DENND2A: variants seen among roughly 807,000 people sequenced by gnomAD.
The protein encoded by DENND2A is DENN domain-containing protein 2A.
In DENND2A, 53 loss-of-function variants were observed where a neutral mutation model predicts 105.3. The observed-to-expected ratio is 0.50, with a 90% CI of 0.40 to 0.63. The LOEUF is 0.63. Among genes scored for constraint, DENND2A ranks in the 30% least tolerant of loss-of-function variants. The pLI is 0.00. For synonymous variants in DENND2A, 522 were observed against 508.4 expected, an observed-to-expected ratio of 1.03 and a Z score of -0.36; for missense variants, 1,138 against 1,279.6, an observed-to-expected ratio of 0.89 and a Z score of 1.69.
chr7:140,602,312 T>C lies in DENND2A; in HGVS notation c.86A>G (p.Gln29Arg), dbSNP rs1799545076. ...GGCTCTGGCAGATGGGCAAGGGTTC[T>C]GAACACCTCTGAGCTGCTTCTTCCC... ...RAGKKQLRGV[Q>R]NPCPSARARP... Residue 29 changes from glutamine to arginine, a missense_variant, in exon 3 of 20, where the codon CAG (glutamine) becomes CGG (arginine). By Grantham distance (43) the Gln-to-Arg change is conservative. Transcript: ENST00000496613. The C allele has an allele frequency of 6.2e-7, 1 of 1,605,592 alleles. No individual in the cohort carries two copies. Among genetic ancestry groups the C allele is most frequent in the South Asian group, 1.1e-5 (1 of 91,076 alleles).
At chr7:140,624,860 TTTTTTTTG>T (rs1800454280) in intron 1 of DENND2A, among the ~76,000 whole-genome samples, 2 of 149,942 alleles carry the variant, frequency 1.3e-5, no homozygotes, top group African/African-American at 5.0e-5. Flanking sequence ...TTTTTTTTGT[TTTTTTTTG>T]TTTTTTTTTT....
chr7:140,574,532 T>C (rs1798224866), intron 5 of DENND2A, among the ~76,000 whole-genome samples: 1 of 152,140 alleles, frequency 6.6e-6, no homozygotes, highest in Non-Finnish European at 1.5e-5. Context: ...TTTCTCTTTT[T>C]AGACAAGTGC....
intron 3 of DENND2A, among the ~76,000 whole-genome samples, chr7:140,590,999 TA>T (rs1563163230): frequency 6.6e-6 from 1 of 151,854 alleles, no homozygotes. Context: ...AAACTCCCTT[TA>T]AAAAAATGAA....
At chr7:140,572,351 C>T (rs1798125756) in intron 6 of DENND2A, among the ~76,000 whole-genome samples, 1 of 152,014 alleles carries the variant, frequency 6.6e-6, no homozygotes, top group Admixed American at 6.6e-5. Context: ...AGAGAAGTCC[C>T]TTGAAAGCTA....
intron 8 of DENND2A, 31 bp from the exon 9 acceptor site, chr7:140,567,304 A>AAGAGAGAAAG: frequency 1.5e-6 from 1 of 657,344 alleles, no homozygotes; most frequent in Non-Finnish European, 2.1e-6. Flanking sequence ...GAAAGAGAGA[A>AAGAGAGAAAG]AGAGAGAGAG....
chr7:140,570,092 A>C (rs992409672), intron 6 of DENND2A, among the ~76,000 whole-genome samples: 3 of 152,046 alleles, frequency 2.0e-5, no homozygotes, highest in Non-Finnish European at 2.9e-5. Context: ...ACGGGGTTTC[A>C]CCACATTGGC....
intron 5 of DENND2A, among the ~76,000 whole-genome samples, chr7:140,577,980 A>T (rs949446189): frequency 6.6e-6 from 1 of 152,136 alleles, no homozygotes; most frequent in African/African-American, 2.4e-5. Flanking sequence ...TGATCAGAGG[A>T]CCTTACACCA....
At chr7:140,580,699 C>G (rs1385971443) in intron 5 of DENND2A, among the ~76,000 whole-genome samples, 3 of 152,104 alleles carry the variant, frequency 2.0e-5, no homozygotes, top group African/African-American at 7.2e-5. Flanking sequence ...TGTAGTGGTG[C>G]AATCTCAGCT....
At chr7:140,571,359 A>C (rs931367056) in intron 6 of DENND2A, among the ~76,000 whole-genome samples, 1 of 152,034 alleles carries the variant, frequency 6.6e-6, no homozygotes, top group African/African-American at 2.4e-5. Context: ...CGGGGGTTTC[A>C]ACATGTTGGC....
chr7:140,564,292 A>AT (rs1297206552), intron 9 of DENND2A, among the ~76,000 whole-genome samples: 2 of 112,924 alleles, frequency 1.8e-5, no homozygotes, highest in Non-Finnish European at 1.8e-5. Context: ...AAAAAAAAAA[A>AT]AAAAATACAC....
At chr7:140,633,182 C>T (rs269256) in intron 1 of DENND2A, among the ~76,000 whole-genome samples, 11,628 of 152,188 alleles carry the variant, frequency 0.076, 1,442 homozygotes, top group African/African-American at 0.26. Context: ...GCACCTGCCA[C>T]CATGCCCGAC....
At chr7:140,580,595 C>T (rs1298435330) in intron 5 of DENND2A, among the ~76,000 whole-genome samples, 1 of 152,130 alleles carries the variant, frequency 6.6e-6, no homozygotes, top group Non-Finnish European at 1.5e-5. Flanking sequence ...GCTAGGATTA[C>T]AGGCATGGAC....
intron 1 of DENND2A, among the ~76,000 whole-genome samples, chr7:140,620,053 G>C (rs1199185540): frequency 6.6e-6 from 1 of 151,586 alleles, no homozygotes; most frequent in African/African-American, 2.4e-5. Flanking sequence ...AAAATTAGGC[G>C]GGCATGGTGG....
At chr7:140,568,931 CT>C (rs761913427) in intron 7 of DENND2A, 118 bp from the exon 8 acceptor site, 28,648 of 716,048 alleles carry the variant, frequency 0.04, no homozygotes, top group South Asian at 0.054. Flanking sequence ...TGAGTTGCCT[CT>C]TTTTTTTTTT....
At chr7:140,546,694 C>T in intron 13 of DENND2A, 105 bp downstream of exon 13, 1 of 1,430,288 alleles carries the variant, frequency 7.0e-7, no homozygotes, top group Non-Finnish European at 9.5e-7. Context: ...GGAGAAGACA[C>T]CAAGGAATTG....
At chr7:140,639,117 C>T (rs1332325386) in intron 1 of DENND2A, among the ~76,000 whole-genome samples, 1 of 151,544 alleles carries the variant, frequency 6.6e-6, no homozygotes, top group Non-Finnish European at 1.5e-5. Context: ...TTTGCGAGGC[C>T]GAGGCGGGCA....
At chr7:140,581,927 G>A (rs1223481351) in intron 5 of DENND2A, among the ~76,000 whole-genome samples, 1 of 152,010 alleles carries the variant, frequency 6.6e-6, no homozygotes, top group Non-Finnish European at 1.5e-5. Flanking sequence ...TGGTATCAGG[G>A]AGGAGCGTTC....
intron 9 of DENND2A, among the ~76,000 whole-genome samples, chr7:140,563,345 C>T (rs1797706513): frequency 6.6e-6 from 1 of 152,152 alleles, no homozygotes; most frequent in South Asian, 2.1e-4. Flanking sequence ...CATATATGCA[C>T]AGGAGCACAG....
chr7:140,552,506 A>G (rs951011112), intron 12 of DENND2A, among the ~76,000 whole-genome samples: 21 of 151,486 alleles, frequency 1.4e-4, no homozygotes, highest in African/African-American at 5.1e-4. Flanking sequence ...CAATCCTCCC[A>G]CCGCTCAGCC....
Sources: gnomAD v4.1 joint callset for allele counts (sites outside exome capture counted in the v4.1 genomes callset) on GRCh38, gnomAD v4.1.1 for gene constraint, MANE v1.5 for transcripts, NCBI Gene and HGNC (gene_info 2026-07-23, HGNC 2026-07-21) for gene names.